PLEKHA4: variants seen among roughly 807,000 people sequenced by gnomAD.
PLEKHA4 encodes pleckstrin homology domain containing A4.
In PLEKHA4, 73 loss-of-function variants were observed where a neutral mutation model predicts 94.7. The ratio of observed to expected loss-of-function variants is 0.77; its 90% CI spans 0.64 to 0.94. PLEKHA4 has a LOEUF of 0.94. Ranked by LOEUF, PLEKHA4 falls within the 40% of genes least tolerant of loss-of-function variation. PLEKHA4 has a pLI of 0.00. For missense variants in PLEKHA4, 1,049 were observed against 1,054.1 expected, an observed-to-expected ratio of 1.00 and a Z score of 0.07; for synonymous variants, 449 against 437.1, an observed-to-expected ratio of 1.03 and a Z score of -0.34.
At chr19:48,842,576 G>T (rs2035810345) in intron 16 of PLEKHA4, among the ~76,000 whole-genome samples, 1 of 152,186 alleles carries the variant, frequency 6.6e-6, no homozygotes. Flanking sequence ...TAGCTATGCA[G>T]TCTGCCTGCT....
chr19:48,867,711 G>T lies in PLEKHA4; in HGVS notation c.-6-85C>A. On this transcript the variant is annotated intron_variant, in intron 1 of 19. Coordinates refer to ENST00000263265, the MANE Select transcript of PLEKHA4 (RefSeq NM_020904.3). The surrounding 1 kb of genome is among the most constrained non-coding windows in gnomAD (Gnocchi z 4.7). ...GGTCAGGGGCTTGGAGGTCGGAGGA[G>T]GCTGCAGAGAAAGAGCCTGTTGTTT... 7.7e-7 allele frequency: 1 copy of T among 1,296,402 alleles called. No homozygotes were observed. Among genetic ancestry groups the T allele is most frequent in the Non-Finnish European group, 1.1e-6 (1 of 928,750 alleles). 80.3% of individuals were successfully genotyped at this position (1,296,402 alleles called of 1,614,324 possible).
chr19:48,855,843 A>G (rs543988505), intron 9 of PLEKHA4, among the ~76,000 whole-genome samples: 1 of 151,916 alleles, frequency 6.6e-6, no homozygotes, highest in African/African-American at 2.4e-5. Context: ...AGCCTGGGTA[A>G]CATGGCAAAA....
At chr19:48,866,507 A>C (rs2036840628) in intron 2 of PLEKHA4, among the ~76,000 whole-genome samples, 1 of 152,160 alleles carries the variant, frequency 6.6e-6, no homozygotes, top group South Asian at 2.1e-4. Context: ...CGGTTTCGCC[A>C]TGTCAGTCAG....
At chr19:48,863,425 G>GTTT (rs1436464028) in intron 3 of PLEKHA4, among the ~76,000 whole-genome samples, 3 of 114,616 alleles carry the variant, frequency 2.6e-5, no homozygotes, top group African/African-American at 3.4e-5. Flanking sequence ...GCTAATTTAG[G>GTTT]TTTTTTGTTT....
rs1255657957 is a variant in PLEKHA4 at position 48,858,199 on chromosome 19, C to A, written c.972+661G>T. On this transcript the variant is annotated intron_variant, in intron 8 of 19. Coordinates refer to ENST00000263265, the MANE Select transcript of PLEKHA4 (RefSeq NM_020904.3). ...CTGTGGATATTCTGAGCTACCGTCC[C>A]ATGATGCTCAGACAAAACAGCAGGC... 2.6e-5 allele frequency among the ~76,000 whole-genome samples: 4 copies of A among 152,166 alleles called. No homozygotes were observed. In the East Asian group the frequency reaches 7.7e-4, roughly 29 times the overall value.
At chr19:48,863,823 C>T (rs907877276) in intron 3 of PLEKHA4, among the ~76,000 whole-genome samples, 3 of 152,120 alleles carry the variant, frequency 2.0e-5, no homozygotes, top group South Asian at 2.1e-4. Context: ...CCACCTGCCT[C>T]GACCTCCCGA....
rs200934479 is a variant in PLEKHA4, at chr19:48,860,451, G to A, written c.375C>T (p.His125=). Reference sequence around the variant, plus strand: ...CCAAAACGTAGGTCCTCATGCCCGGGTGCTCTGCCTGCGGGAAGAGAAGGC... The same window carrying A: ...CCAAAACGTAGGTCCTCATGCCCGGATGCTCTGCCTGCGGGAAGAGAAGGC... ...RGRRFTFTAE[H]PGMRTYVLAA... is the part of the protein sequence containing the mutation. The change falls in exon 6 of 20, where the codon CAC becomes CAT. Residue 125 remains histidine, a synonymous_variant. Coordinates refer to ENST00000263265, the MANE Select transcript of PLEKHA4 (RefSeq NM_020904.3). The A allele has an allele frequency of 1.3e-4, 210 of 1,613,718 alleles. No individual in the cohort carries two copies. Among genetic ancestry groups the A allele is most frequent in the Non-Finnish European group, 1.7e-4 (196 of 1,179,788 alleles).
Position 48,859,690 on chromosome 19 carries a change from G to A in PLEKHA4, c.477-6C>T. The A allele has an allele frequency of 6.2e-7, 1 of 1,609,482 alleles. No homozygotes were observed. Among genetic ancestry groups the A allele is most frequent in the South Asian group, 1.1e-5 (1 of 90,980 alleles). ...CAGGTGACCTGGGTTGCCCACTAGC[G>A]AGTGGACATAGACAAGATATCACTC... is the stretch of plus-strand genomic sequence containing the variant. On this transcript the variant is annotated splice_polypyrimidine_tract_variant and splice_region_variant and intron_variant, in intron 6 of 19. Transcript: ENST00000263265.
chr19:48,865,306 G>A, intron 3 of PLEKHA4, among the ~76,000 whole-genome samples, 197 bp downstream of exon 3: 1 of 152,080 alleles, frequency 6.6e-6, no homozygotes, highest in East Asian at 1.9e-4. Context: ...TCATACCACT[G>A]CCCTCCAGCC....
rs1042693200 is a variant in PLEKHA4 at position 48,860,495 on chromosome 19, G to A, written c.367-36C>T. 3.2e-6 allele frequency: 5 copies of A among 1,550,856 alleles called. No individual in the cohort carries two copies. The Admixed American group carries it at 8.4e-5, about 26-fold the overall frequency. The stretch of plus-strand genomic sequence containing the variant: ...AGAAGGCTTGGAATCCGGACTCCCG[G>A]GCCTTGTAAAAAGGAGGACAGGCCG... On this transcript the variant is annotated intron_variant, in intron 5 of 19. Transcript: ENST00000263265.
intron 16 of PLEKHA4, 49 bp downstream of exon 16, chr19:48,845,321 G>T (rs752158831): frequency 1.9e-6 from 3 of 1,557,548 alleles, no homozygotes; most frequent in Admixed American, 1.7e-5. Context: ...GAAGTGTGGG[G>T]GTCCCTGATG....
At chr19:48,862,704 G>A (rs369509477) in intron 3 of PLEKHA4, among the ~76,000 whole-genome samples, 1 of 151,658 alleles carries the variant, frequency 6.6e-6, no homozygotes, top group South Asian at 2.1e-4. Flanking sequence ...TAGTAGAGAC[G>A]GGGTTTCACC....
At position 48,867,673 on chromosome 19, in the gene PLEKHA4, G is replaced by A; in HGVS notation, c.-6-47C>T. ...GCTGTGTCTCTGCAGTGACGGGTGT[G>A]AGACAGAGATGGGGTCAGGGGCTTG... On this transcript the variant is annotated intron_variant, in intron 1 of 19. Transcript: ENST00000263265. The surrounding 1 kb of genome is among the most constrained non-coding windows in gnomAD (Gnocchi z 4.7). The A allele has an allele frequency of 1.3e-6, 2 of 1,529,066 alleles. No individual in the cohort carries two copies. Among genetic ancestry groups the A allele is most frequent in the Non-Finnish European group, 1.8e-6 (2 of 1,126,362 alleles). 94.7% of individuals were successfully genotyped at this position (1,529,066 alleles called of 1,614,324 possible).
chr19:48,859,502 G>C lies in PLEKHA4; in HGVS notation c.659C>G (p.Ser220Cys). The change falls in exon 7 of 20, where the codon TCT (serine) becomes TGT (cysteine). Residue 220 changes from serine (S) to cysteine (C), a missense_variant. Coordinates refer to ENST00000263265, the MANE Select transcript of PLEKHA4 (RefSeq NM_020904.3). Reference protein sequence around the residue: ...LTPSPTTDLHSGLQMRRARSP... With the variant: ...LTPSPTTDLHCGLQMRRARSP... ...CCTCGCCCTCCGCATCTGGAGTCCA[G>C]AGTGGAGGTCGGTTGTGGGGCTGGG... 6.2e-7 allele frequency: 1 copy of C among 1,614,046 alleles called. No individual in the cohort carries two copies. Among genetic ancestry groups the C allele is most frequent in the Non-Finnish European group, 8.5e-7 (1 of 1,180,024 alleles).
At chr19:48,862,667 A>G (rs2036689128) in intron 3 of PLEKHA4, among the ~76,000 whole-genome samples, 1 of 150,722 alleles carries the variant, frequency 6.6e-6, no homozygotes, top group East Asian at 2.0e-4. Flanking sequence ...CCGCCACCAC[A>G]CCCGGCTAAT....
At chr19:48,847,625 C>T (rs1412744634) in intron 14 of PLEKHA4, among the ~76,000 whole-genome samples, 1 of 151,854 alleles carries the variant, frequency 6.6e-6, no homozygotes, top group Non-Finnish European at 1.5e-5. Context: ...ACAGCTACTT[C>T]GGAGGCTGAG....
At chr19:48,861,844 G>C (rs2036653854) in intron 3 of PLEKHA4, 152 bp from the exon 4 acceptor site, 1 of 735,402 alleles carries the variant, frequency 1.4e-6, no homozygotes, top group African/African-American at 1.8e-5. Context: ...AGTGGGGTGA[G>C]GCCGAGCACA....
chr19:48,863,015 G>A (rs1272251488), intron 3 of PLEKHA4, among the ~76,000 whole-genome samples: 1 of 152,142 alleles, frequency 6.6e-6, no homozygotes, highest in African/African-American at 2.4e-5. Context: ...GTGGCAATGA[G>A]CCATGACCCA....
At chr19:48,838,734 T>C (rs1464977592) in intron 18 of PLEKHA4, among the ~76,000 whole-genome samples, 2 of 139,164 alleles carry the variant, frequency 1.4e-5, no homozygotes, top group Non-Finnish European at 3.0e-5. Flanking sequence ...GCCATTGCAC[T>C]CCAGCCTGGG....
Sources: allele counts gnomAD v4.1 joint callset (sites outside exome capture counted in the v4.1 genomes callset), GRCh38; gene constraint gnomAD v4.1.1; non-coding constraint Gnocchi (gnomAD v3.1); transcripts MANE v1.5; gene names NCBI Gene and HGNC (gene_info 2026-07-23, HGNC 2026-07-21).